Variants in MARK1 observed in about 807,000 individuals in gnomAD.
The protein encoded by MARK1 is microtubule affinity regulating kinase 1.
A neutral mutation model predicts 96.3 loss-of-function variants in MARK1; 40 were observed. The ratio of observed to expected loss-of-function variants is 0.42; its 90% CI spans 0.32 to 0.54. The LOEUF (loss-of-function observed/expected upper bound fraction) is 0.54. MARK1 is among the 20% of genes least tolerant of loss of function. MARK1 has a pLI of 0.16. For synonymous variants in MARK1, 317 were observed against 341.2 expected, an observed-to-expected ratio of 0.93 and a Z score of 0.78; for missense variants, 719 against 984.6, an observed-to-expected ratio of 0.73 and a Z score of 3.61.
chr1:220,604,166 T>G, intron 6 of MARK1, 29 bp downstream of exon 6: 1 of 1,499,706 alleles, frequency 6.7e-7, no homozygotes, highest in Non-Finnish European at 9.3e-7. Flanking sequence ...AACTTTGTTT[T>G]GCTGATAATT....
chr1:220,656,783 GA>G (rs1245007905), intron 16 of MARK1, among the ~76,000 whole-genome samples: 2 of 151,198 alleles, frequency 1.3e-5, no homozygotes, highest in East Asian at 4.1e-4. Context: ...AATTCAGATA[GA>G]AAAATTTTTT....
chr1:220,638,186 C>T (rs1422362999), intron 13 of MARK1, among the ~76,000 whole-genome samples: 2 of 151,808 alleles, frequency 1.3e-5, no homozygotes, highest in Admixed American at 6.6e-5. Flanking sequence ...GTAATCACCC[C>T]ACATAGCAGA....
chr1:220,620,099 T>C (rs1408195995), intron 9 of MARK1, among the ~76,000 whole-genome samples: 1 of 152,216 alleles, frequency 6.6e-6, no homozygotes, highest in Non-Finnish European at 1.5e-5. Flanking sequence ...ATTGGGAAAT[T>C]ATTTTAAATG....
chr1:220,659,844 G>A (rs1669376988), intron 17 of MARK1, among the ~76,000 whole-genome samples: 1 of 151,910 alleles, frequency 6.6e-6, no homozygotes, highest in Admixed American at 6.6e-5. Flanking sequence ...AGGCTGGAGT[G>A]CAGTGGCACG....
chr1:220,544,809 A>T (rs1435764125), intron 1 of MARK1, among the ~76,000 whole-genome samples: 1 of 152,214 alleles, frequency 6.6e-6, no homozygotes, highest in Non-Finnish European at 1.5e-5. Flanking sequence ...TAACAAGACT[A>T]CCTTTCCTTT....
At chr1:220,645,961 G>T (rs1455550787) in intron 13 of MARK1, among the ~76,000 whole-genome samples, 2 of 152,050 alleles carry the variant, frequency 1.3e-5, no homozygotes, top group Non-Finnish European at 2.9e-5. Context: ...ATACTGAATG[G>T]GCAAAAGCTG....
chr1:220,595,818 G>T (rs538160967), intron 3 of MARK1, among the ~76,000 whole-genome samples: 12 of 152,170 alleles, frequency 7.9e-5, no homozygotes, highest in Non-Finnish European at 1.3e-4. Flanking sequence ...TGACAGTAGT[G>T]TCAATATGGA....
chr1:220,583,006 T>G (rs1224064201), intron 3 of MARK1, among the ~76,000 whole-genome samples: 1 of 152,182 alleles, frequency 6.6e-6, no homozygotes, highest in Non-Finnish European at 1.5e-5. Context: ...TCTTCATTAA[T>G]TCTCATGTGT....
rs191626183 is a variant in MARK1 at position 220,583,413 on chromosome 1, C to T, written c.309+2295C>T. Among the ~76,000 whole-genome samples the T allele has an allele frequency of 3.6e-3, 545 of 152,188 alleles. 6 individuals carry two copies. The highest frequency in any genetic ancestry group is 0.012 in the African/African-American group (511 of 41,512). On this transcript the variant is annotated intron_variant, in intron 3 of 17. Transcript: ENST00000366917. ...ACTGCCAAAATACAAAGTTCTTAAA[C>T]GTGTTTGGTTTTTGGAATTGTTAAG... is the stretch of plus-strand genomic sequence containing the variant.
At chr1:220,651,907 A>G in intron 14 of MARK1, 79 bp from the exon 15 acceptor site, 1 of 1,195,652 alleles carries the variant, frequency 8.4e-7, no homozygotes, top group Non-Finnish European at 1.2e-6. Context: ...GATTTTTTAA[A>G]ATATAGTTCT....
intron 5 of MARK1, among the ~76,000 whole-genome samples, chr1:220,603,563 CAG>C (rs1452513151): frequency 6.6e-6 from 1 of 151,878 alleles, no homozygotes; most frequent in Non-Finnish European, 1.5e-5. Flanking sequence ...AGAATAAACA[CAG>C]AGTATAGGAA....
chr1:220,576,752 C>G (rs1229532104), intron 1 of MARK1: 2 of 152,054 alleles, frequency 1.3e-5, no homozygotes, highest in Non-Finnish European at 2.9e-5. Context: ...TATCAAATGC[C>G]TTATTTGTGC....
intron 7 of MARK1, among the ~76,000 whole-genome samples, chr1:220,616,458 G>A (rs1666754790): frequency 6.6e-6 from 1 of 152,206 alleles, no homozygotes; most frequent in East Asian, 1.9e-4. Context: ...TAAGAAATGT[G>A]TAGTTAGTCA....
intron 3 of MARK1, among the ~76,000 whole-genome samples, chr1:220,594,474 A>C (rs921394824): frequency 6.6e-6 from 1 of 152,210 alleles, no homozygotes; most frequent in Admixed American, 6.5e-5. Context: ...GTTTCTTACA[A>C]AACTACACAT....
At chr1:220,546,389 T>C (rs1449652410) in intron 1 of MARK1, among the ~76,000 whole-genome samples, 1 of 152,188 alleles carries the variant, frequency 6.6e-6, no homozygotes, top group Non-Finnish European at 1.5e-5. Flanking sequence ...AATCACTTAG[T>C]ATACTAGAAA....
chr1:220,566,271 A>T (rs981716909), intron 1 of MARK1, among the ~76,000 whole-genome samples: 1 of 152,206 alleles, frequency 6.6e-6, no homozygotes, highest in African/African-American at 2.4e-5. Flanking sequence ...TGCTCGTAGT[A>T]GAAGCTAGGA....
chr1:220,576,312 G>A (rs1663846285), intron 1 of MARK1, among the ~76,000 whole-genome samples: 2 of 151,446 alleles, frequency 1.3e-5, no homozygotes, highest in South Asian at 4.2e-4. Context: ...CTGTCAGTCT[G>A]GATAAGTCCT....
At chr1:220,545,439 G>GTTTTTTTTTTTTTTTTTTTTT (rs35422682) in intron 1 of MARK1, among the ~76,000 whole-genome samples, 3 of 87,260 alleles carry the variant, frequency 3.4e-5, no homozygotes, top group Non-Finnish European at 2.1e-5. Flanking sequence ...CTTTCTCATG[G>GTTTTTTTTTTTTTTTTTTTTT]TTTTTTTTTT....
At chr1:220,551,373 T>C (rs1301421415) in intron 1 of MARK1, among the ~76,000 whole-genome samples, 1 of 152,162 alleles carries the variant, frequency 6.6e-6, no homozygotes, top group South Asian at 2.1e-4. Context: ...CCTAGGACCA[T>C]AGAGAGAAGG....
Sources: gnomAD v4.1 joint callset for allele counts (sites outside exome capture counted in the v4.1 genomes callset) on GRCh38, gnomAD v4.1.1 for gene constraint, MANE v1.5 for transcripts, NCBI Gene and HGNC (gene_info 2026-07-23, HGNC 2026-07-21) for gene names.